The following SCIN variants were observed in gnomAD, a reference collection of about 807,000 sequenced individuals.
The protein encoded by SCIN is scinderin, also known as adseverin.
In SCIN, 91 loss-of-function variants were observed where a neutral mutation model predicts 91.8. That is an observed-to-expected ratio of 0.99 (90% CI 0.84 to 1.18). The LOEUF is 1.18. SCIN is among the 50% of genes most tolerant of loss of function. The pLI is 0.00. For synonymous variants in SCIN, 367 were observed against 312.6 expected, an observed-to-expected ratio of 1.17 and a Z score of -1.84; for missense variants, 1,087 against 863.9, an observed-to-expected ratio of 1.26 and a Z score of -3.24.
intron 3 of SCIN, among the ~76,000 whole-genome samples, chr7:12,599,682 G>T (rs1294519295): frequency 6.7e-6 from 1 of 148,606 alleles, no homozygotes; most frequent in East Asian, 2.0e-4. Context: ...ACCAACATCT[G>T]TTTTTTTTTT....
intron 3 of SCIN, among the ~76,000 whole-genome samples, chr7:12,584,321 T>G (rs1249046648): frequency 6.6e-6 from 1 of 152,188 alleles, no homozygotes; most frequent in Non-Finnish European, 1.5e-5. Flanking sequence ...ATGACCCAGG[T>G]ATGAAAAACT....
intron 13 of SCIN, among the ~76,000 whole-genome samples, chr7:12,646,784 C>T (rs888843795): frequency 2.6e-5 from 4 of 152,162 alleles, no homozygotes; most frequent in East Asian, 3.9e-4. Context: ...AAATTTCCCA[C>T]GTATTTTGTC....
chr7:12,579,795 C>T (rs1583273959), intron 2 of SCIN, among the ~76,000 whole-genome samples: 1 of 152,014 alleles, frequency 6.6e-6, no homozygotes. Flanking sequence ...GCGCCTGTAA[C>T]CCTAGCTACT....
chr7:12,603,352 G>A (rs1397452915), intron 3 of SCIN, among the ~76,000 whole-genome samples: 3 of 151,910 alleles, frequency 2.0e-5, no homozygotes, highest in Non-Finnish European at 4.4e-5. Context: ...CACTGTGTTA[G>A]CCAGGATATT....
rs1554298408 is a variant in SCIN, at chr7:12,657,572, A to ATATAT, written c.*4858_*4859insATATT. 1 of 22,088 alleles carries ATATAT rather than the reference A, an allele frequency of 4.5e-5. No individual in the cohort carries two copies. The highest frequency in any genetic ancestry group is 1.3e-4 in the Non-Finnish European group (1 of 7,720). The allele number at this position is 22,088 out of a possible 1,614,324, so 1.4% of individuals were successfully genotyped here. ...TATATATATATATATATATATATAT[A>ATATAT]TTTTTTTTTTTTTTTTTTTTTTTTT... On this transcript the variant is annotated 3_prime_UTR_variant, in exon 16 of 16. Coordinates refer to ENST00000297029, the MANE Select transcript of SCIN (RefSeq NM_001112706.3).
chr7:12,612,428 CAG>C (rs1783212015), intron 4 of SCIN, among the ~76,000 whole-genome samples: 1 of 152,148 alleles, frequency 6.6e-6, no homozygotes, highest in African/African-American at 2.4e-5. Flanking sequence ...GATGAACTAT[CAG>C]AGATACAAGC....
intron 3 of SCIN, among the ~76,000 whole-genome samples, chr7:12,594,639 G>A (rs776023303): frequency 2.6e-5 from 4 of 152,104 alleles, no homozygotes; most frequent in Non-Finnish European, 4.4e-5. Context: ...AGACACCCAA[G>A]GGGGGTGGTC....
Position 12,651,384 on chromosome 7 carries a change from C to T in SCIN, c.1960-457C>T, listed in dbSNP as rs528261437. 5.9e-5 allele frequency among the ~76,000 whole-genome samples: 9 copies of T among 152,344 alleles called. No homozygotes were observed. The highest frequency in any genetic ancestry group is 1.9e-4 in the African/African-American group (8 of 41,570). On this transcript the variant is annotated intron_variant, in intron 14 of 15. Coordinates refer to ENST00000297029, the MANE Select transcript of SCIN (RefSeq NM_001112706.3). The surrounding 1 kb of genome is among the most constrained non-coding windows in gnomAD (Gnocchi z 5.9). ...ATTCTCTACAGATGCAGATCTTCCC[C>T]TACAAAAGGCAGATTTGCAGGGCTA...
chr7:12,644,553 T>A (rs762038632), intron 12 of SCIN, 31 bp from the exon 13 acceptor site: 21 of 1,607,534 alleles, frequency 1.3e-5, no homozygotes, highest in Non-Finnish European at 1.8e-5. Context: ...TCCCTGAAAA[T>A]GCACTGGATA....
At chr7:12,652,490 A>T in intron 15 of SCIN, 98 bp from the exon 16 acceptor site, 1 of 1,105,548 alleles carries the variant, frequency 9.0e-7, no homozygotes, top group Non-Finnish European at 1.3e-6. Flanking sequence ...TCTTCTGGAA[A>T]TTTAATTCAT....
chr7:12,581,135 GGTCGTAGAGTGGTGAGA>G lies in SCIN; in HGVS notation c.432_448del (p.Arg145HisfsTer6). 6.4e-7 allele frequency: 1 copy of G among 1,551,464 alleles called. No homozygotes were observed. The highest frequency in any genetic ancestry group is 2.0e-5 in the Admixed American group (1 of 50,996). ...AGCCAAGAGGCTCCTACATGTGAAG[GGTCGTAGAGTGGTGAGA>G]GCCACAGAAGTTCCCCTTAGCTGGG... is the stretch of plus-strand genomic sequence containing the variant. On this transcript the variant is annotated frameshift_variant, in exon 3 of 16. Coordinates refer to ENST00000297029, the MANE Select transcript of SCIN (RefSeq NM_001112706.3). LOFTEE classifies it high-confidence loss of function.
chr7:12,577,035 G>A (rs1782387430), intron 1 of SCIN, among the ~76,000 whole-genome samples: 1 of 152,088 alleles, frequency 6.6e-6, no homozygotes, highest in South Asian at 2.1e-4. Context: ...ACAGACACTG[G>A]TTCTTAGGAA....
At chr7:12,596,727 G>T in intron 3 of SCIN, among the ~76,000 whole-genome samples, 1 of 151,396 alleles carries the variant, frequency 6.6e-6, no homozygotes, top group African/African-American at 2.4e-5. Flanking sequence ...AGTAGTAAGA[G>T]AATATAATTT....
chr7:12,614,047 C>G (rs1039944933), intron 4 of SCIN, among the ~76,000 whole-genome samples: 11 of 152,164 alleles, frequency 7.2e-5, no homozygotes, highest in African/African-American at 2.4e-4. Flanking sequence ...TTAACGATGT[C>G]TGATAGAGTG....
At chr7:12,602,494 G>C (rs1782978999) in intron 3 of SCIN, among the ~76,000 whole-genome samples, 1 of 152,178 alleles carries the variant, frequency 6.6e-6, no homozygotes, top group Admixed American at 6.5e-5. Flanking sequence ...CCCAATCCTA[G>C]TAAGCCTGAG....
At chr7:12,628,708 A>C in intron 8 of SCIN, among the ~76,000 whole-genome samples, 1 of 152,156 alleles carries the variant, frequency 6.6e-6, no homozygotes, top group East Asian at 1.9e-4. Flanking sequence ...CTTAAAGCAC[A>C]GGGAAAAAAA....
intron 3 of SCIN, among the ~76,000 whole-genome samples, chr7:12,598,912 A>G (rs1045231257): frequency 1.3e-5 from 2 of 152,200 alleles, no homozygotes; most frequent in African/African-American, 4.8e-5. Flanking sequence ...TGTCTCAAAA[A>G]AAAAGAGAGA....
chr7:12,583,781 C>T (rs768076264), intron 3 of SCIN, among the ~76,000 whole-genome samples: 1 of 152,088 alleles, frequency 6.6e-6, no homozygotes, highest in Non-Finnish European at 1.5e-5. Context: ...GCCACAAATC[C>T]AGGTTCACGT....
At chr7:12,644,352 T>G (rs988540966) in intron 12 of SCIN, 37 bp downstream of exon 12, 3 of 1,541,286 alleles carry the variant, frequency 1.9e-6, no homozygotes, top group Admixed American at 2.1e-5. Flanking sequence ...AACTAGAATT[T>G]ATACTGATAC....
Sources: allele counts gnomAD v4.1 joint callset (sites outside exome capture counted in the v4.1 genomes callset), GRCh38; gene constraint gnomAD v4.1.1; non-coding constraint Gnocchi (gnomAD v3.1); transcripts MANE v1.5; gene names NCBI Gene and HGNC (gene_info 2026-07-23, HGNC 2026-07-21).